SPINT1: variants seen among roughly 807,000 people sequenced by gnomAD.
SPINT1 encodes serine peptidase inhibitor, Kunitz type 1.
In SPINT1, 38 loss-of-function variants were observed where a neutral mutation model predicts 53.7. The observed-to-expected ratio is 0.71, with a 90% CI of 0.55 to 0.93. SPINT1 has a LOEUF of 0.93. Among genes scored for constraint, SPINT1 ranks in the 40% least tolerant of loss-of-function variants. The pLI, the probability that SPINT1 is intolerant of heterozygous loss-of-function variation, is 0.00. For missense variants in SPINT1, 645 were observed against 692.9 expected, an observed-to-expected ratio of 0.93 and a Z score of 0.78; for synonymous variants, 283 against 280.6, an observed-to-expected ratio of 1.01 and a Z score of -0.08.
intron 2 of SPINT1, among the ~76,000 whole-genome samples, chr15:40,852,481 C>T (rs1169736419): frequency 6.6e-6 from 1 of 152,140 alleles, no homozygotes; most frequent in East Asian, 1.9e-4. Flanking sequence ...CCATGCCTGA[C>T]CCTGAGGTGG....
At chr15:40,854,138 T>C in intron 6 of SPINT1, 52 bp downstream of exon 6, 2 of 1,502,738 alleles carry the variant, frequency 1.3e-6, no homozygotes, top group Non-Finnish European at 8.9e-7. Context: ...CTCTAGCCCA[T>C]ATCATCCCTA....
intron 2 of SPINT1, among the ~76,000 whole-genome samples, chr15:40,848,442 A>G (rs1891357090): frequency 6.6e-6 from 1 of 152,352 alleles, no homozygotes; most frequent in South Asian, 2.1e-4. Flanking sequence ...ACACACGGAT[A>G]AAACAACTTA....
intron 3 of SPINT1, 22 bp downstream of exon 3, chr15:40,853,273 G>T: frequency 6.2e-7 from 1 of 1,613,768 alleles, no homozygotes; most frequent in South Asian, 1.1e-5. Flanking sequence ...GGCTGACTCT[G>T]ACCCCGCCCT....
Position 40,853,867 on chromosome 15 carries a change from G to T in SPINT1, c.899G>T (p.Cys300Phe). ...CGGGAAGAAGAGTGCATTCTAGCCT[G>T]TCGGGGTGTGCAAGGTGGGCCTTTG... ...YLREEECILA[C>F]RGVQGPSMER... The change falls in exon 5 of 11, where the codon TGT becomes TTT. Residue 300 changes from cysteine to phenylalanine, a missense_variant. Cys to Phe is a radical substitution (Grantham distance 205, BLOSUM62 -2). Coordinates refer to ENST00000562057, the MANE Select transcript of SPINT1 (RefSeq NM_003710.4). 6.2e-7 allele frequency: 1 copy of T among 1,614,216 alleles called. No homozygotes were observed. The highest frequency in any genetic ancestry group is 8.5e-7 in the Non-Finnish European group (1 of 1,180,036).
intron 2 of SPINT1, among the ~76,000 whole-genome samples, chr15:40,849,904 A>G (rs1182968149): frequency 6.6e-6 from 1 of 152,214 alleles, no homozygotes; most frequent in Non-Finnish European, 1.5e-5. Context: ...TTTGTGGGCC[A>G]TAGGGTCCCA....
In SPINT1 at chr15:40,844,993, C is replaced by A; in HGVS notation, c.439C>A (p.Arg147Ser). 6.2e-7 allele frequency: 1 copy of A among 1,612,496 alleles called. No individual in the cohort carries two copies. ...FINYLTREVY[R>S]SYRQLRTQGF... is the part of the protein sequence containing the mutation. The stretch of plus-strand genomic sequence containing the variant: ...CAACTACCTCACGAGGGAAGTGTAC[C>A]GCTCCTACCGCCAGCTGCGGACCCA... Residue 147 changes from arginine (R) to serine (S), a missense_variant, in exon 2 of 11, where the codon CGC (arginine) becomes AGC (serine). Arg to Ser is a moderately radical substitution (Grantham distance 110, BLOSUM62 -1). Transcript: ENST00000562057. The surrounding 1 kb of genome is among the most constrained non-coding windows in gnomAD (Gnocchi z 5.8).
At chr15:40,855,869 A>G (rs1449252112) in intron 8 of SPINT1, 23 bp from the exon 9 acceptor site, 9 of 1,601,722 alleles carry the variant, frequency 5.6e-6, no homozygotes, top group Admixed American at 5.1e-5. Context: ...CTCGCTCACC[A>G]TAGCCTACCC....
chr15:40,856,223 C>G, intron 9 of SPINT1, 53 bp from the exon 10 acceptor site: 2 of 1,610,434 alleles, frequency 1.2e-6, no homozygotes, highest in Non-Finnish European at 1.7e-6. Context: ...TGGGGAGCAG[C>G]TGAGTCTCTG....
chr15:40,853,388 C>A, intron 3 of SPINT1, 101 bp from the exon 4 acceptor site: 1 of 1,603,776 alleles, frequency 6.2e-7, no homozygotes, highest in Non-Finnish European at 8.5e-7. Flanking sequence ...AATCCAACTC[C>A]CCCTGGCCTC....
In SPINT1 at chr15:40,844,211, G is replaced by T. The variant is rs1156518696; in HGVS notation, c.-66+25G>T. The T allele has an allele frequency of 1.5e-5, 6 of 408,406 alleles. No homozygotes were observed. In the Admixed American group the frequency reaches 1.5e-4, roughly 10 times the overall value. 25.3% of individuals were successfully genotyped at this position (408,406 alleles called of 1,614,324 possible). On this transcript the variant is annotated intron_variant, in intron 1 of 10. Transcript: ENST00000562057. The surrounding 1 kb of genome is among the most constrained non-coding windows in gnomAD (Gnocchi z 5.8). ...GGTAACCCGGGCCCCCGCGCGCAAG[G>T]CCGAGGCGCAGGCGGAGCGGGCTGG...
intron 9 of SPINT1, 78 bp downstream of exon 9, chr15:40,856,140 G>GGGAGTCACCCCTCCATCC: frequency 1.4e-5 from 23 of 1,595,128 alleles, no homozygotes; most frequent in Non-Finnish European, 1.9e-5. Flanking sequence ...CCAGGCCTTT[G>GGGAGTCACCCCTCCATCC]GGAGTCACCC....
intron 2 of SPINT1, among the ~76,000 whole-genome samples, chr15:40,849,410 A>G (rs558319307): frequency 1.3e-5 from 2 of 152,180 alleles, no homozygotes; most frequent in South Asian, 4.1e-4. Context: ...ACACCTAGCT[A>G]ATTTTTTATT....
intron 2 of SPINT1, 128 bp from the exon 3 acceptor site, chr15:40,852,996 C>A: frequency 8.2e-7 from 1 of 1,213,404 alleles, no homozygotes; most frequent in Non-Finnish European, 1.2e-6. Context: ...CACCCGCACC[C>A]CATGCAGGCT....
chr15:40,849,115 G>A (rs1466340437), intron 2 of SPINT1, among the ~76,000 whole-genome samples: 8 of 151,866 alleles, frequency 5.3e-5, no homozygotes, highest in Admixed American at 6.6e-5. Flanking sequence ...GTGTGGTGGT[G>A]GGCACCTGTA....
chr15:40,849,926 T>C (rs1288496137), intron 2 of SPINT1, among the ~76,000 whole-genome samples: 1 of 152,246 alleles, frequency 6.6e-6, no homozygotes, highest in Non-Finnish European at 1.5e-5. Flanking sequence ...TTGCGACTGC[T>C]CAGCTCTGCT....
intron 2 of SPINT1, among the ~76,000 whole-genome samples, chr15:40,851,944 C>T (rs1891471785): frequency 6.6e-6 from 1 of 152,198 alleles, no homozygotes; most frequent in Admixed American, 6.5e-5. Flanking sequence ...TCGCTTGAAC[C>T]CTGGAGGCGG....
intron 2 of SPINT1, among the ~76,000 whole-genome samples, chr15:40,845,830 A>G (rs1246975981): frequency 3.9e-5 from 6 of 152,192 alleles, no homozygotes; most frequent in African/African-American, 1.4e-4. Flanking sequence ...CTGTCAGGTG[A>G]GCCTGGCCAT....
chr15:40,846,941 T>C (rs1891316381), intron 2 of SPINT1, among the ~76,000 whole-genome samples: 1 of 152,156 alleles, frequency 6.6e-6, no homozygotes, highest in Non-Finnish European at 1.5e-5. Context: ...GTGTAGGTGG[T>C]GATGACTCTT....
intron 2 of SPINT1, among the ~76,000 whole-genome samples, chr15:40,850,507 A>G (rs1278197588): frequency 6.6e-6 from 1 of 152,148 alleles, no homozygotes; most frequent in Non-Finnish European, 1.5e-5. Context: ...CAGTGCCTCT[A>G]TTTCCAACCC....
Sources: allele counts gnomAD v4.1 joint callset (sites outside exome capture counted in the v4.1 genomes callset), GRCh38; gene constraint gnomAD v4.1.1; non-coding constraint Gnocchi (gnomAD v3.1); transcripts MANE v1.5; gene names NCBI Gene and HGNC (gene_info 2026-07-23, HGNC 2026-07-21).